The following HDAC8 variants were observed in gnomAD, a reference collection of about 807,000 sequenced individuals.
The protein encoded by HDAC8 is histone deacetylase 8.
A neutral mutation model predicts 32.2 loss-of-function variants in HDAC8; 1 was observed. The observed-to-expected ratio is 0.03, with a 90% CI of 0.01 to 0.15. HDAC8 has a LOEUF of 0.15. Ranked by LOEUF, HDAC8 falls within the 10% of genes least tolerant of loss-of-function variation. The pLI, the probability that HDAC8 is intolerant of heterozygous loss-of-function variation, is 1.00. For synonymous variants in HDAC8, 108 were observed against 113.9 expected (o/e 0.95, Z 0.33); for missense variants, 117 against 300.0 (o/e 0.39, Z 4.51).
chrX:72,527,225 T>C (rs2050181129), intron 4 of HDAC8, among the ~76,000 whole-genome samples: 1 of 111,643 alleles, frequency 9.0e-6, no homozygotes, highest in Admixed American at 9.5e-5. Flanking sequence ...CTTCCTACCT[T>C]TGCATGTTCA....
At chrX:72,441,381 A>T (rs2047140261) in intron 9 of HDAC8, among the ~76,000 whole-genome samples, 2 of 112,043 alleles carry the variant, frequency 1.8e-5, no homozygotes. Flanking sequence ...TGGTTCACGA[A>T]AATCCACTCT....
chrX:72,393,526 TTAGA>T (rs2045669081), intron 9 of HDAC8, among the ~76,000 whole-genome samples: 1 of 112,106 alleles, frequency 8.9e-6, no homozygotes, highest in Non-Finnish European at 1.9e-5. Context: ...TCTTATGTAA[TTAGA>T]TAGGTCTCGC....
At chrX:72,568,693 A>G in intron 3 of HDAC8, 61 bp downstream of exon 3, 1 of 1,141,816 alleles carries the variant, frequency 8.8e-7, no homozygotes, top group Non-Finnish European at 1.2e-6. Context: ...TAAAAAAATC[A>G]TACAAGTTAT....
intron 9 of HDAC8, among the ~76,000 whole-genome samples, chrX:72,429,019 CTTTCT>C (rs1276647488): frequency 2.3e-5 from 2 of 86,416 alleles, no homozygotes; most frequent in Non-Finnish European, 4.6e-5. Context: ...TTCTTTCTTT[CTTTCT>C]TTTTTTTTTT....
chrX:72,512,331 C>T (rs781835471), intron 4 of HDAC8, among the ~76,000 whole-genome samples: 6 of 111,984 alleles, frequency 5.4e-5, no homozygotes, highest in Admixed American at 1.9e-4. Context: ...ATTCAGTGCT[C>T]TCCCTTTGTG....
At chrX:72,486,553 G>C (rs1243865547) in intron 7 of HDAC8, among the ~76,000 whole-genome samples, 5 of 111,494 alleles carry the variant, frequency 4.5e-5, no homozygotes, top group African/African-American at 1.6e-4. Context: ...TCGTGTGCCT[G>C]TTTGCCCCAG....
At chrX:72,468,447 C>T (rs782456810) in intron 7 of HDAC8, among the ~76,000 whole-genome samples, 11 of 110,657 alleles carry the variant, frequency 9.9e-5, no homozygotes, top group African/African-American at 2.0e-4. Flanking sequence ...ATTCCCAGGA[C>T]GGAAAAAAAA....
chrX:72,418,660 C>T, intron 9 of HDAC8, among the ~76,000 whole-genome samples: 1 of 111,781 alleles, frequency 8.9e-6, no homozygotes, highest in Non-Finnish European at 1.9e-5. Context: ...AACTACCATT[C>T]AACCCAGCAC....
chrX:72,349,436 T>C (rs2044116334), intron 10 of HDAC8, among the ~76,000 whole-genome samples: 1 of 112,671 alleles, frequency 8.9e-6, no homozygotes, highest in African/African-American at 3.2e-5. Flanking sequence ...AGCAAAATGC[T>C]GCTAAGCCAT....
chrX:72,357,239 TGA>T (rs1478479494), intron 9 of HDAC8, among the ~76,000 whole-genome samples: 1 of 107,416 alleles, frequency 9.3e-6, no homozygotes, highest in Middle Eastern at 4.3e-3. Flanking sequence ...TGTACGTGTG[TGA>T]GAGGGGAGTT....
chrX:72,389,156 C>A (rs1555962874), intron 9 of HDAC8, among the ~76,000 whole-genome samples: 2 of 111,457 alleles, frequency 1.8e-5, no homozygotes, highest in African/African-American at 6.5e-5. Context: ...CCAGAAGCAC[C>A]TAAACCAAGT....
chrX:72,524,257 G>T (rs1430345083), intron 4 of HDAC8, among the ~76,000 whole-genome samples: 2 of 111,373 alleles, frequency 1.8e-5, no homozygotes, highest in African/African-American at 6.5e-5. Context: ...CTTATCAACC[G>T]GACATCCCTA....
At chrX:72,507,414 GC>G (rs1435825827) in intron 4 of HDAC8, among the ~76,000 whole-genome samples, 1 of 111,566 alleles carries the variant, frequency 9.0e-6, no homozygotes, top group Non-Finnish European at 1.9e-5. Context: ...GTTTATCTGA[GC>G]CCTGTGTACC....
At chrX:72,356,349 C>G (rs1365971789) in intron 9 of HDAC8, among the ~76,000 whole-genome samples, 1 of 110,974 alleles carries the variant, frequency 9.0e-6, no homozygotes, top group Non-Finnish European at 1.9e-5. Flanking sequence ...TTAGATATGA[C>G]TAGGGGGCAC....
chrX:72,329,742 T>C lies in HDAC8; in HGVS notation c.*312A>G. On this transcript the variant is annotated 3_prime_UTR_variant, in exon 11 of 11. Coordinates refer to ENST00000373573, the MANE Select transcript of HDAC8 (RefSeq NM_018486.3). The stretch of plus-strand genomic sequence containing the variant: ...GTTTCATTTAAGATGATTAAAATAC[T>C]CCCCTCCCCAATTCGCTTAAAAATA... The C allele has an allele frequency of 8.6e-7, 1 of 1,162,274 alleles. No individual in the cohort carries two copies. The highest frequency in any genetic ancestry group is 1.2e-6 in the Non-Finnish European group (1 of 868,449).
At position 72,333,564 on chromosome X, in the gene HDAC8, G is replaced by A. The variant is rs782503386; in HGVS notation, c.1112-3488C>T. Among the ~76,000 whole-genome samples the A allele has an allele frequency of 5.4e-5, 6 of 110,284 alleles. No individual in the cohort carries two copies. The East Asian group carries it at 1.1e-3, about 21-fold the overall frequency. Reference sequence around the variant, plus strand: ...AAATTAGCCAGGTGTGGTGGTGGGCGCCTGTAACCCCAGCTACTGGGGAGG... The same window carrying A: ...AAATTAGCCAGGTGTGGTGGTGGGCACCTGTAACCCCAGCTACTGGGGAGG... On this transcript the variant is annotated intron_variant, in intron 10 of 10. Transcript: ENST00000373573.
intron 10 of HDAC8, among the ~76,000 whole-genome samples, chrX:72,350,675 C>T (rs2044152928): frequency 1.8e-5 from 2 of 112,033 alleles, no homozygotes; most frequent in Admixed American, 9.4e-5. Flanking sequence ...AAAATGGGTG[C>T]CAAAAATACG....
chrX:72,550,247 G>A (rs1462406590), intron 4 of HDAC8, among the ~76,000 whole-genome samples: 5 of 110,740 alleles, frequency 4.5e-5, no homozygotes, highest in African/African-American at 1.6e-4. Flanking sequence ...TGGCATTCAA[G>A]GACTCTTTAT....
In HDAC8 at chrX:72,544,554, C is replaced by T. The variant is rs781887065; in HGVS notation, c.437+23335G>A. Among the ~76,000 whole-genome samples the T allele has an allele frequency of 1.2e-3, 133 of 111,463 alleles. 1 individual carries two copies. The highest frequency in any genetic ancestry group is 4.1e-3 in the African/African-American group (127 of 30,645). On this transcript the variant is annotated intron_variant, in intron 4 of 10. Transcript: ENST00000373573. ...CCTAGGAGACTTCATTTCAAAAAGG[C>T]TTACATGTTACCCAGCACTATATAA...
Sources: allele counts gnomAD v4.1 joint callset (sites outside exome capture counted in the v4.1 genomes callset), GRCh38; gene constraint gnomAD v4.1.1; transcripts MANE v1.5; gene names NCBI Gene and HGNC (gene_info 2026-07-23, HGNC 2026-07-21).